The following PKDCC variants were observed in gnomAD, a reference collection of about 807,000 sequenced individuals.
The protein encoded by PKDCC is extracellular tyrosine-protein kinase PKDCC.
PKDCC carries 35 observed loss-of-function variants against 44.7 expected under a neutral mutation model. The ratio of observed to expected loss-of-function variants is 0.78; its 90% CI spans 0.60 to 1.04. PKDCC has a LOEUF of 1.04. Ranked by LOEUF, PKDCC falls within the 50% of genes least tolerant of loss-of-function variation. The pLI, the probability that PKDCC is intolerant of heterozygous loss-of-function variation, is 0.00. For missense variants in PKDCC, 738 were observed against 672.7 expected, an observed-to-expected ratio of 1.10 and a Z score of -1.07; for synonymous variants, 353 against 303.3, an observed-to-expected ratio of 1.16 and a Z score of -1.70.
At position 42,048,671 on chromosome 2, in the gene PKDCC, C is replaced by T. The variant is rs1667914541; in HGVS notation, c.472C>T (p.Pro158Ser). 4 of 1,546,826 alleles carry T rather than the reference C, an allele frequency of 2.6e-6. No homozygotes were observed. Among genetic ancestry groups the T allele is most frequent in the African/African-American group, 1.4e-5 (1 of 73,006 alleles). Reference protein sequence around the residue: ...YTKAVYRVRLPGGAAVALKAV... With the variant: ...YTKAVYRVRLSGGAAVALKAV... ...CAAGGCCGTGTACCGGGTCCGCCTG[C>T]CCGGCGGTGCCGCGGTGGCGCTCAA... Residue 158 changes from proline to serine, a missense_variant, in exon 1 of 7, where the codon CCC becomes TCC. Coordinates refer to ENST00000294964, the MANE Select transcript of PKDCC (RefSeq NM_138370.3). This position sits in a 1 kb window ranked among gnomAD's most constrained non-coding sequence, Gnocchi z 6.2.
Position 42,057,771 on chromosome 2 carries a change from C to G in PKDCC, c.*83C>G. On this transcript the variant is annotated 3_prime_UTR_variant, in exon 7 of 7. Coordinates refer to ENST00000294964, the MANE Select transcript of PKDCC (RefSeq NM_138370.3). ...GAGGGAGTGACTTGCACTGGCAGCA[C>G]TGCATGTCACCTGGGAACCCCTGCA... The G allele has an allele frequency of 8.5e-7, 1 of 1,181,542 alleles. No individual in the cohort carries two copies. The highest frequency in any genetic ancestry group is 1.2e-6 in the Non-Finnish European group (1 of 813,116). 73.2% of individuals were successfully genotyped at this position (1,181,542 alleles called of 1,614,324 possible). A position where few individuals can be genotyped will look rare whatever the true frequency, so the allele number is the denominator to read the frequency against.
At chr2:42,053,658 G>T in intron 2 of PKDCC, 1 of 521,190 alleles carries the variant, frequency 1.9e-6, no homozygotes, top group Non-Finnish European at 3.4e-6. Flanking sequence ...CAGCCTGACT[G>T]CAGGAGGGCC....
rs1668043726 is a variant in PKDCC at position 42,055,747 on chromosome 2, A to G, written c.1222+354A>G. On this transcript the variant is annotated intron_variant, in intron 5 of 6. Transcript: ENST00000294964. This position sits in a 1 kb window ranked among gnomAD's most constrained non-coding sequence, Gnocchi z 4.5. ...GGGTTCACTATTACCCACCTCACCA[A>G]ATTCTTATGGGAATTAAATGTCAGG... The G allele has an allele frequency of 1.5e-5, 3 of 206,162 alleles. No individual in the cohort carries two copies. The highest frequency in any genetic ancestry group is 9.7e-6 in the Non-Finnish European group (1 of 102,770). The allele number at this position is 206,162 out of a possible 1,614,324, so 12.8% of individuals were successfully genotyped here.
chr2:42,056,580 G>C (rs946819934), intron 5 of PKDCC, among the ~76,000 whole-genome samples: 8 of 152,084 alleles, frequency 5.3e-5, no homozygotes, highest in Non-Finnish European at 8.8e-5. Flanking sequence ...CAGATTCTCA[G>C]TTCTACCCCA....
In PKDCC at chr2:42,051,567, G is replaced by A. The variant is rs1667968790; in HGVS notation, c.640-1672G>A. Among the ~76,000 whole-genome samples the A allele has an allele frequency of 1.3e-5, 2 of 152,122 alleles. No individual in the cohort carries two copies. Among genetic ancestry groups the A allele is most frequent in the South Asian group, 4.1e-4 (2 of 4,832 alleles). On this transcript the variant is annotated intron_variant, in intron 1 of 6. Coordinates refer to ENST00000294964, the MANE Select transcript of PKDCC (RefSeq NM_138370.3). This position sits in a 1 kb window ranked among gnomAD's most constrained non-coding sequence, Gnocchi z 4.2. ...TAACAGCGCATTTAACGACCTCCGG[G>A]TGTTTAATAACCTTCAGAAGTTTCC...
At chr2:42,049,979 C>G (rs1667939505) in intron 1 of PKDCC, among the ~76,000 whole-genome samples, 1 of 152,210 alleles carries the variant, frequency 6.6e-6, no homozygotes, top group African/African-American at 2.4e-5. Flanking sequence ...ACCCAGGAGT[C>G]CCTCTCTCCT....
At chr2:42,056,448 C>T (rs1432718129) in intron 5 of PKDCC, among the ~76,000 whole-genome samples, 2 of 152,182 alleles carry the variant, frequency 1.3e-5, no homozygotes, top group African/African-American at 4.8e-5. Flanking sequence ...AAAACCCCGA[C>T]TCCCTTCCAT....
Position 42,054,001 on chromosome 2 carries a change from A to T in PKDCC, c.763-35A>T. On this transcript the variant is annotated intron_variant, in intron 2 of 6. Transcript: ENST00000294964. The surrounding 1 kb of genome is among the most constrained non-coding windows in gnomAD (Gnocchi z 6.1). ...GTCCCACAGACCCCCAACCCAGGAG[A>T]AAAGCAGTGAGCAGTCTTTTCTTGT... is the stretch of plus-strand genomic sequence containing the variant. 1.3e-6 allele frequency: 2 copies of T among 1,591,684 alleles called. No homozygotes were observed. The highest frequency in any genetic ancestry group is 1.7e-6 in the Non-Finnish European group (2 of 1,167,224).
intron 2 of PKDCC, 144 bp downstream of exon 2, chr2:42,053,505 G>A (rs1323563245): frequency 1.7e-6 from 2 of 1,161,028 alleles, no homozygotes; most frequent in Non-Finnish European, 2.4e-6. Flanking sequence ...TCAGCCACCG[G>A]CCAAAGGGTT....
rs1668079680 is a variant in PKDCC, at chr2:42,057,604, T to G, written c.1398T>G (p.Gly466=). ...TTACCTCTCACCTCTGCCCCCCAGG[T>G]CGGCAGCTGGTCTTTTTCAAGACTG... ...FVVTNQTTWT[G]RQLVFFKTGW... The change falls in exon 7 of 7, where the codon GGT becomes GGG. Residue 466 remains glycine, a splice_region_variant and synonymous_variant. Coordinates refer to ENST00000294964, the MANE Select transcript of PKDCC (RefSeq NM_138370.3). The G allele has an allele frequency of 6.2e-7, 1 of 1,613,502 alleles. No individual in the cohort carries two copies. Among genetic ancestry groups the G allele is most frequent in the Non-Finnish European group, 8.5e-7 (1 of 1,179,880 alleles).
In PKDCC at chr2:42,055,421, G is replaced by C. The variant is rs146086146; in HGVS notation, c.1222+28G>C. ...GAGTGGCCCCAAGCTGATCCACAGG[G>C]AAGCAAGAAACAGGTGGGAGGGTGA... is the stretch of plus-strand genomic sequence containing the variant. On this transcript the variant is annotated intron_variant, in intron 5 of 6. Transcript: ENST00000294964. This position sits in a 1 kb window ranked among gnomAD's most constrained non-coding sequence, Gnocchi z 4.5. 3.2e-5 allele frequency: 52 copies of C among 1,601,956 alleles called. 1 individual carries two copies. The African/African-American group carries it at 4.9e-4, about 15-fold the overall frequency.
chr2:42,051,587 G>C lies in PKDCC; in HGVS notation c.640-1652G>C, dbSNP rs964837032. ...TCCGGGTGTTTAATAACCTTCAGAA[G>C]TTTCCCACAAAGGCTCAGACTCTGG... On this transcript the variant is annotated intron_variant, in intron 1 of 6. Coordinates refer to ENST00000294964, the MANE Select transcript of PKDCC (RefSeq NM_138370.3). This position sits in a 1 kb window ranked among gnomAD's most constrained non-coding sequence, Gnocchi z 4.2. Among the ~76,000 whole-genome samples the C allele has an allele frequency of 2.0e-5, 3 of 152,142 alleles. No individual in the cohort carries two copies. The highest frequency in any genetic ancestry group is 1.3e-4 in the Admixed American group (2 of 15,282).
rs1292593369 is a variant in PKDCC at position 42,051,656 on chromosome 2, TC to T, written c.640-1577del. On this transcript the variant is annotated intron_variant, in intron 1 of 6. Transcript: ENST00000294964. This position sits in a 1 kb window ranked among gnomAD's most constrained non-coding sequence, Gnocchi z 4.2. ...GGCCCCAGGGCTGTTCCCCTTACCTTCCCCCCACCCCACCAGGGTCTGGGGC... is the reference window on the plus strand; with the variant it reads ...GGCCCCAGGGCTGTTCCCCTTACCTTCCCCCACCCCACCAGGGTCTGGGGC... 6.6e-6 allele frequency among the ~76,000 whole-genome samples: 1 copy of T among 151,656 alleles called. No homozygotes were observed. Among genetic ancestry groups the T allele is most frequent in the African/African-American group, 2.4e-5 (1 of 41,228 alleles).
Position 42,048,169 on chromosome 2 carries a change from G to A in PKDCC, c.-31G>A. ...CCCGGGGCCGGGGCCGGGGAGCCGCGCGGGGCCGGCCGGCCGGGGGGAGGG... is the reference window on the plus strand; with the variant it reads ...CCCGGGGCCGGGGCCGGGGAGCCGCACGGGGCCGGCCGGCCGGGGGGAGGG... On this transcript the variant is annotated 5_prime_UTR_variant, in exon 1 of 7. Coordinates refer to ENST00000294964, the MANE Select transcript of PKDCC (RefSeq NM_138370.3). This position sits in a 1 kb window ranked among gnomAD's most constrained non-coding sequence, Gnocchi z 6.2. 2 of 1,052,070 alleles carry A rather than the reference G, an allele frequency of 1.9e-6. No individual in the cohort carries two copies. The highest frequency in any genetic ancestry group is 1.8e-5 in the African/African-American group (1 of 56,916). 65.2% of individuals were successfully genotyped at this position (1,052,070 alleles called of 1,614,324 possible).
chr2:42,054,888 G>C lies in PKDCC; in HGVS notation c.1035-53G>C. The C allele has an allele frequency of 2.0e-6, 3 of 1,513,984 alleles. No individual in the cohort carries two copies. The highest frequency in any genetic ancestry group is 2.2e-5 in the South Asian group (2 of 89,038). 93.8% of individuals were successfully genotyped at this position (1,513,984 alleles called of 1,614,324 possible). A position where few individuals can be genotyped will look rare whatever the true frequency, so the allele number is the denominator to read the frequency against. On this transcript the variant is annotated intron_variant, in intron 3 of 6. Coordinates refer to ENST00000294964, the MANE Select transcript of PKDCC (RefSeq NM_138370.3). The surrounding 1 kb of genome is among the most constrained non-coding windows in gnomAD (Gnocchi z 6.1). ...TCTGCCCCAGGTTGGAATAGAGGAA[G>C]GATGTGTCTCCAAAGGCTGGATTCC... is the stretch of plus-strand genomic sequence containing the variant.
At chr2:42,053,489 G>T (rs1180080355) in intron 2 of PKDCC, 128 bp downstream of exon 2, 2 of 1,308,006 alleles carry the variant, frequency 1.5e-6, no homozygotes, top group Admixed American at 2.6e-5. Context: ...AGGCGCACAG[G>T]CTGACTCAGC....
Position 42,048,851 on chromosome 2 carries a change from G to T in PKDCC, c.639+13G>T. ...CAACGTGCTGCAGGTACGAGGGTGGGGACGCGGGGGTAACGGTGTTGGCTG... is the reference window on the plus strand; with the variant it reads ...CAACGTGCTGCAGGTACGAGGGTGGTGACGCGGGGGTAACGGTGTTGGCTG... On this transcript the variant is annotated intron_variant, in intron 1 of 6. Coordinates refer to ENST00000294964, the MANE Select transcript of PKDCC (RefSeq NM_138370.3). The surrounding 1 kb of genome is among the most constrained non-coding windows in gnomAD (Gnocchi z 6.2). 6.9e-7 allele frequency: 1 copy of T among 1,455,604 alleles called. No homozygotes were observed. The highest frequency in any genetic ancestry group is 9.1e-7 in the Non-Finnish European group (1 of 1,098,064). The allele number at this position is 1,455,604 out of a possible 1,614,324, so 90.2% of individuals were successfully genotyped here. A position where few individuals can be genotyped will look rare whatever the true frequency, so the allele number is the denominator to read the frequency against.
At chr2:42,050,763 C>A (rs918148174) in intron 1 of PKDCC, among the ~76,000 whole-genome samples, 20 of 152,012 alleles carry the variant, frequency 1.3e-4, no homozygotes, top group African/African-American at 4.8e-4. Context: ...GTCCTTTCTA[C>A]CCAGGAAAAG....
chr2:42,048,415 C>A lies in PKDCC; in HGVS notation c.216C>A (p.Arg72=). 1 of 1,122,578 alleles carries A rather than the reference C, an allele frequency of 8.9e-7. No individual in the cohort carries two copies. The highest frequency in any genetic ancestry group is 1.1e-6 in the Non-Finnish European group (1 of 921,920). The allele number at this position is 1,122,578 out of a possible 1,614,324, so 69.5% of individuals were successfully genotyped here. Residue 72 remains arginine, a synonymous_variant, in exon 1 of 7, where the codon CGC becomes CGA. Transcript: ENST00000294964. The surrounding 1 kb of genome is among the most constrained non-coding windows in gnomAD (Gnocchi z 6.2). Reference sequence around the variant, plus strand: ...ACGAGGAGGTGCAGCGCTATTCCCGCGGGGGCCCCGGGCCCGGGGCGGGCC... The same window carrying A: ...ACGAGGAGGTGCAGCGCTATTCCCGAGGGGGCCCCGGGCCCGGGGCGGGCC... The part of the protein sequence containing the change: ...ARYEEVQRYS[R]GGPGPGAGRP...
Sources: gnomAD v4.1 joint callset for allele counts (sites outside exome capture counted in the v4.1 genomes callset) on GRCh38, gnomAD v4.1.1 for gene constraint, Gnocchi (gnomAD v3.1) non-coding constraint, MANE v1.5 for transcripts, NCBI Gene and HGNC (gene_info 2026-07-23, HGNC 2026-07-21) for gene names.